SCAND3: variants seen among roughly 807,000 people sequenced by gnomAD.
SCAND3 encodes SCAN domain containing 3, also known as SCAN domain-containing protein 3.
the SCAND3 span, chr6:28,573,117 A>T: frequency 3.5e-5 from 57 of 1,610,252 alleles, no homozygotes; most frequent in Non-Finnish European, 4.7e-5. Context: ...TTATATCATC[A>T]TCATGTTCAA....
chr6:28,608,134 C>G, the SCAND3 span, among the ~76,000 whole-genome samples: 12 of 152,202 alleles, frequency 7.9e-5, no homozygotes, highest in Admixed American at 6.5e-4. Context: ...TAAGCCCGCT[C>G]CCACTAGCTA....
At chr6:28,578,147 T>A in the SCAND3 span, among the ~76,000 whole-genome samples, 1 of 152,244 alleles carries the variant, frequency 6.6e-6, no homozygotes. Context: ...AATGAACTAC[T>A]AAATTTAAAT....
the SCAND3 span, among the ~76,000 whole-genome samples, chr6:28,608,126 A>G: frequency 1.4e-3 from 220 of 152,324 alleles, 5 homozygotes; most frequent in Admixed American, 5.4e-3. Context: ...CTCCAAGTTA[A>G]GCCCGCTCCC....
At chr6:28,606,366 G>C in the SCAND3 span, among the ~76,000 whole-genome samples, 1 of 152,124 alleles carries the variant, frequency 6.6e-6, no homozygotes, top group African/African-American at 2.4e-5. Context: ...GTTGGGCTGG[G>C]CCAGCTCTTT....
At chr6:28,575,990 TA>T in the SCAND3 span, 1 of 1,613,738 alleles carries the variant, frequency 6.2e-7, no homozygotes, top group African/African-American at 1.3e-5. The surrounding 1 kb of genome is among the most constrained non-coding windows in gnomAD (Gnocchi z 4.2). Flanking sequence ...TTAGTATTAT[TA>T]CTTTTGTTTT....
the SCAND3 span, chr6:28,586,578 G>C: frequency 6.2e-7 from 1 of 1,614,210 alleles, no homozygotes; most frequent in Non-Finnish European, 8.5e-7. This position sits in a 1 kb window ranked among gnomAD's most constrained non-coding sequence, Gnocchi z 4.4. Flanking sequence ...GAGTTCCCTG[G>C]TATAAGACAA....
the SCAND3 span, among the ~76,000 whole-genome samples, chr6:28,598,864 G>A: frequency 1.7e-5 from 2 of 119,242 alleles, no homozygotes; most frequent in African/African-American, 3.7e-5. Context: ...GTGACAGAGT[G>A]AGACTATGTC....
chr6:28,572,901 T>A, the SCAND3 span: 1 of 1,614,110 alleles, frequency 6.2e-7, no homozygotes, highest in East Asian at 2.2e-5. This position sits in a 1 kb window ranked among gnomAD's most constrained non-coding sequence, Gnocchi z 4.1. Context: ...AGCAATGTGT[T>A]GTTTTACATT....
the SCAND3 span, among the ~76,000 whole-genome samples, chr6:28,610,135 A>T: frequency 6.6e-6 from 1 of 152,200 alleles, no homozygotes; most frequent in African/African-American, 2.4e-5. Context: ...GAGGTACAAG[A>T]ATGGCTTAAA....
the SCAND3 span, chr6:28,570,632 A>G: frequency 1.3e-5 from 2 of 152,224 alleles, no homozygotes; most frequent in African/African-American, 2.4e-5. Context: ...TTAAATTATT[A>G]GTAACATTCT....
chr6:28,600,785 T>C, the SCAND3 span, among the ~76,000 whole-genome samples: 5 of 152,290 alleles, frequency 3.3e-5, no homozygotes, highest in African/African-American at 9.6e-5. Context: ...TAGATAATAT[T>C]AAGAATTTTA....
chr6:28,591,487 T>C, the SCAND3 span: 3 of 152,176 alleles, frequency 2.0e-5, no homozygotes, highest in African/African-American at 4.8e-5. Flanking sequence ...TTTCAGCAAA[T>C]AATCCAGTTG....
chr6:28,598,890 A>G, the SCAND3 span, among the ~76,000 whole-genome samples: 1 of 149,008 alleles, frequency 6.7e-6, no homozygotes, highest in Non-Finnish European at 1.5e-5. Context: ...AAAAAAAAAA[A>G]AAAAGAAAAA....
At chr6:28,604,736 T>C in the SCAND3 span, among the ~76,000 whole-genome samples, 1 of 152,224 alleles carries the variant, frequency 6.6e-6, no homozygotes, top group Admixed American at 6.5e-5. Context: ...TATTGATATA[T>C]GTCAGACATA....
At chr6:28,601,995 G>A in the SCAND3 span, among the ~76,000 whole-genome samples, 15 of 152,194 alleles carry the variant, frequency 9.9e-5, no homozygotes, top group African/African-American at 2.6e-4. Context: ...AAGCATGCAG[G>A]CCTGAGTGAA....
chr6:28,604,480 G>A, the SCAND3 span, among the ~76,000 whole-genome samples: 1 of 151,980 alleles, frequency 6.6e-6, no homozygotes, highest in Non-Finnish European at 1.5e-5. Flanking sequence ...GCTGGGCGTG[G>A]TGGCACACCC....
chr6:28,581,033 A>AT, the SCAND3 span, among the ~76,000 whole-genome samples: 114 of 152,002 alleles, frequency 7.5e-4, no homozygotes, highest in African/African-American at 2.6e-3. Context: ...CCTGGGTTTG[A>AT]TTTTTTTTAA....
At chr6:28,577,607 A>G in the SCAND3 span, among the ~76,000 whole-genome samples, 8,810 of 152,262 alleles carry the variant, frequency 0.058, 589 homozygotes, top group African/African-American at 0.16. Flanking sequence ...GCATCTTAAC[A>G]TATATCCCTA....
the SCAND3 span, among the ~76,000 whole-genome samples, chr6:28,603,879 C>G: frequency 6.6e-6 from 1 of 152,152 alleles, no homozygotes; most frequent in Non-Finnish European, 1.5e-5. Context: ...GGACTCGCTG[C>G]TCCTGGATGC....
Sources: allele counts gnomAD v4.1 joint callset (sites outside exome capture counted in the v4.1 genomes callset), GRCh38; gene constraint gnomAD v4.1.1; non-coding constraint Gnocchi (gnomAD v3.1); transcripts MANE v1.5; gene names NCBI Gene and HGNC (gene_info 2026-07-23, HGNC 2026-07-21).